The following CNTN4 variants were observed in gnomAD, a reference collection of about 807,000 sequenced individuals.
The protein encoded by CNTN4 is contactin 4, also known as contactin-4.
A neutral mutation model predicts 122.5 loss-of-function variants in CNTN4; 77 were observed. The observed-to-expected ratio is 0.63, with a 90% CI of 0.52 to 0.76. The LOEUF is 0.76. Ranked by LOEUF, CNTN4 falls within the 30% of genes least tolerant of loss-of-function variation. CNTN4 has a pLI of 0.00. For missense variants in CNTN4, 1,256 were observed against 1,259.1 expected, an observed-to-expected ratio of 1.00 and a Z score of 0.04; for synonymous variants, 512 against 447.0, an observed-to-expected ratio of 1.15 and a Z score of -1.83.
At chr3:2,567,896 C>G (rs899540) in intron 3 of CNTN4, among the ~76,000 whole-genome samples, 86,556 of 151,754 alleles carry the variant, frequency 0.57, 25,227 homozygotes, top group East Asian at 0.88. Context: ...TAATCTTTTG[C>G]TTCCTTAACA....
intron 3 of CNTN4, among the ~76,000 whole-genome samples, chr3:2,393,834 G>C (rs2046533744): frequency 6.6e-6 from 1 of 151,752 alleles, no homozygotes; most frequent in Middle Eastern, 3.2e-3. Context: ...ATAACCTTTA[G>C]ACAGGGTAGT....
intron 4 of CNTN4, among the ~76,000 whole-genome samples, chr3:2,687,619 C>T (rs569456946): frequency 5.9e-5 from 9 of 152,312 alleles, no homozygotes; most frequent in African/African-American, 2.2e-4. Flanking sequence ...TACTGCACTC[C>T]ACTCCGAACA....
At chr3:2,816,133 T>A (rs2092721956) in intron 6 of CNTN4, among the ~76,000 whole-genome samples, 2 of 151,916 alleles carry the variant, frequency 1.3e-5, no homozygotes, top group Admixed American at 1.3e-4. Flanking sequence ...GGCAGGCAGA[T>A]CATGAGGTCA....
At chr3:2,474,161 T>C (rs185314369) in intron 3 of CNTN4, among the ~76,000 whole-genome samples, 11 of 152,190 alleles carry the variant, frequency 7.2e-5, no homozygotes, top group Non-Finnish European at 1.6e-4. Flanking sequence ...ATACCCTTTC[T>C]ATGCTGTTCT....
chr3:2,407,844 A>C (rs2047094241), intron 3 of CNTN4, among the ~76,000 whole-genome samples: 1 of 152,220 alleles, frequency 6.6e-6, no homozygotes, highest in African/African-American at 2.4e-5. Flanking sequence ...ACATAAAATA[A>C]ATCTTCCCTT....
chr3:2,205,814 C>A lies in CNTN4; in HGVS notation c.-145+105175C>A, dbSNP rs1344295258. ...AACAGCTGTTTGTTTTTTTTAGAAG[C>A]ATAAGATTATTAAATAAACTTCTGT... On this transcript the variant is annotated intron_variant, in intron 2 of 24. Coordinates refer to ENST00000418658, the MANE Select transcript of CNTN4 (RefSeq NM_175607.3). Among the ~76,000 whole-genome samples the A allele has an allele frequency of 1.3e-5, 2 of 151,818 alleles. 1 individual carries two copies.
chr3:2,164,777 C>T (rs1021709770), intron 2 of CNTN4, among the ~76,000 whole-genome samples: 14 of 152,208 alleles, frequency 9.2e-5, no homozygotes, highest in African/African-American at 2.6e-4. Flanking sequence ...TCACCAGACA[C>T]AGTTTGCTCA....
chr3:2,890,111 G>A (rs188675646), intron 10 of CNTN4, among the ~76,000 whole-genome samples: 4 of 152,330 alleles, frequency 2.6e-5, no homozygotes, highest in Admixed American at 2.6e-4. Flanking sequence ...AAACTTGTCA[G>A]ATCAGTTGAC....
chr3:2,593,253 A>G (rs1250830378), intron 4 of CNTN4, among the ~76,000 whole-genome samples: 2 of 152,240 alleles, frequency 1.3e-5, no homozygotes, highest in Admixed American at 6.5e-5. Flanking sequence ...GCTAATAGCT[A>G]ATAAGTCAAT....
At chr3:2,118,817 A>G (rs2033540182) in intron 2 of CNTN4, among the ~76,000 whole-genome samples, 1 of 152,226 alleles carries the variant, frequency 6.6e-6, no homozygotes, top group African/African-American at 2.4e-5. Flanking sequence ...CACTCAGAAC[A>G]TGATGTTTCA....
At chr3:2,715,185 A>T (rs1382986208) in intron 4 of CNTN4, among the ~76,000 whole-genome samples, 1 of 152,192 alleles carries the variant, frequency 6.6e-6, no homozygotes, top group Non-Finnish European at 1.5e-5. Context: ...CCAGTAGAAA[A>T]CTGTATGTTT....
chr3:2,524,627 C>A (rs1031470819), intron 3 of CNTN4, among the ~76,000 whole-genome samples: 6 of 152,030 alleles, frequency 3.9e-5, no homozygotes, highest in African/African-American at 1.2e-4. Flanking sequence ...CTCATTTGAA[C>A]AAAGGAACTA....
intron 12 of CNTN4, among the ~76,000 whole-genome samples, chr3:2,917,699 A>T (rs2094384438): frequency 6.6e-6 from 1 of 152,174 alleles, no homozygotes; most frequent in Admixed American, 6.5e-5. Flanking sequence ...ACAGATCTGT[A>T]ATCTGCTTTC....
intron 7 of CNTN4, among the ~76,000 whole-genome samples, chr3:2,819,867 C>T (rs145240425): frequency 1.0e-3 from 155 of 152,266 alleles, no homozygotes; most frequent in Non-Finnish European, 1.2e-3. Context: ...GTAATTAAAA[C>T]GACTCATACT....
intron 4 of CNTN4, among the ~76,000 whole-genome samples, chr3:2,694,242 AAGCCAAACAC>A (rs1309331651): frequency 1.3e-5 from 2 of 152,144 alleles, no homozygotes; most frequent in African/African-American, 4.8e-5. Flanking sequence ...CCCACTTTTA[AAGCCAAACAC>A]AGCTGTTTTG....
intron 2 of CNTN4, among the ~76,000 whole-genome samples, chr3:2,289,631 T>G (rs1416927429): frequency 2.0e-5 from 3 of 152,124 alleles, no homozygotes; most frequent in African/African-American, 7.2e-5. Flanking sequence ...CAAATCAACT[T>G]GGGATTTTTT....
chr3:2,356,196 A>G (rs1169886860), intron 3 of CNTN4, among the ~76,000 whole-genome samples: 1 of 152,220 alleles, frequency 6.6e-6, no homozygotes, highest in Non-Finnish European at 1.5e-5. Context: ...ATAAGAATGA[A>G]TTCGAGAAGA....
intron 3 of CNTN4, among the ~76,000 whole-genome samples, chr3:2,493,483 A>G (rs1467406795): frequency 6.7e-6 from 1 of 149,128 alleles, no homozygotes; most frequent in East Asian, 1.9e-4. Context: ...GATGCAAACC[A>G]CACACGGATC....
At chr3:2,545,865 C>T (rs2078223274) in intron 3 of CNTN4, among the ~76,000 whole-genome samples, 1 of 151,972 alleles carries the variant, frequency 6.6e-6, no homozygotes. Context: ...CATGAACAGA[C>T]ACTTTTCAAA....
Sources: allele counts gnomAD v4.1 joint callset (sites outside exome capture counted in the v4.1 genomes callset), GRCh38; gene constraint gnomAD v4.1.1; transcripts MANE v1.5; gene names NCBI Gene and HGNC (gene_info 2026-07-23, HGNC 2026-07-21).